Variants in ADAMTS12 observed in about 807,000 individuals in gnomAD.
The protein encoded by ADAMTS12 is A disintegrin and metalloproteinase with thrombospondin motifs 12.
In ADAMTS12, 118 loss-of-function variants were observed where a neutral mutation model predicts 167.8. The ratio of observed to expected loss-of-function variants is 0.70; its 90% CI spans 0.61 to 0.82. The LOEUF (loss-of-function observed/expected upper bound fraction) is 0.82. ADAMTS12 is among the 40% of genes least tolerant of loss of function. The pLI is 0.00. For synonymous variants in ADAMTS12, 704 were observed against 716.9 expected (o/e 0.98, Z 0.29); for missense variants, 1,916 against 1,998.8 (o/e 0.96, Z 0.79).
chr5:33,666,992 T>G (rs1459378024), intron 5 of ADAMTS12, among the ~76,000 whole-genome samples: 2 of 152,210 alleles, frequency 1.3e-5, no homozygotes, highest in South Asian at 2.1e-4. Context: ...AACAACTATG[T>G]GAAGTATTAA....
intron 2 of ADAMTS12, among the ~76,000 whole-genome samples, chr5:33,799,198 G>A (rs1746898500): frequency 6.6e-6 from 1 of 152,208 alleles, no homozygotes; most frequent in African/African-American, 2.4e-5. Context: ...GGAAGTCAAT[G>A]TCCTGTTCAT....
At chr5:33,848,582 T>C (rs972657399) in intron 2 of ADAMTS12, among the ~76,000 whole-genome samples, 3 of 152,344 alleles carry the variant, frequency 2.0e-5, no homozygotes, top group Non-Finnish European at 4.4e-5. Flanking sequence ...TTGGTATTAG[T>C]TGCAAAACTG....
chr5:33,741,613 T>A (rs2112372485), intron 3 of ADAMTS12, among the ~76,000 whole-genome samples: 1 of 152,202 alleles, frequency 6.6e-6, no homozygotes, highest in African/African-American at 2.4e-5. Context: ...TCTTGGAAAA[T>A]GGCTCTCTAA....
chr5:33,793,860 A>G (rs1009599148), intron 2 of ADAMTS12, among the ~76,000 whole-genome samples: 3 of 152,146 alleles, frequency 2.0e-5, no homozygotes, highest in African/African-American at 7.2e-5. Flanking sequence ...TGTGAGAGAA[A>G]AGGGCTTTAG....
At chr5:33,618,227 A>G (rs1739123703) in intron 14 of ADAMTS12, among the ~76,000 whole-genome samples, 1 of 152,208 alleles carries the variant, frequency 6.6e-6, no homozygotes, top group Non-Finnish European at 1.5e-5. Context: ...GGATCCTCAT[A>G]AAGACCTTCA....
intron 2 of ADAMTS12, among the ~76,000 whole-genome samples, chr5:33,766,951 G>C (rs976780748): frequency 1.3e-5 from 2 of 152,078 alleles, no homozygotes; most frequent in African/African-American, 4.8e-5. Context: ...ATCTCTGAAA[G>C]AACTGATCCA....
intron 13 of ADAMTS12, among the ~76,000 whole-genome samples, chr5:33,628,009 CA>C (rs1739741733): frequency 6.6e-6 from 1 of 151,812 alleles, no homozygotes; most frequent in South Asian, 2.1e-4. Context: ...ATGGTAAGAT[CA>C]AAAAAGGGGT....
chr5:33,731,973 CCT>C lies in ADAMTS12; in HGVS notation c.634+19429_634+19430del, dbSNP rs150688330. Among the ~76,000 whole-genome samples the C allele has an allele frequency of 9.3e-3, 1,413 of 152,270 alleles. 21 individuals are homozygous for C. The highest frequency in any genetic ancestry group is 0.033 in the African/African-American group (1,361 of 41,548). On this transcript the variant is annotated intron_variant, in intron 3 of 23. Coordinates refer to ENST00000504830, the MANE Select transcript of ADAMTS12 (RefSeq NM_030955.4). ...CAAAAAGGTATAATCTCATGTTCCA[CCT>C]CTGACCAGCTGGTGGTAGCTAGACC...
At chr5:33,639,086 GT>G (rs1462231991) in intron 11 of ADAMTS12, among the ~76,000 whole-genome samples, 5 of 151,970 alleles carry the variant, frequency 3.3e-5, no homozygotes, top group African/African-American at 4.8e-5. Flanking sequence ...CTGAGCCTCA[GT>G]TTTTTTTCGT....
chr5:33,541,644 G>A (rs1240626467), intron 22 of ADAMTS12, among the ~76,000 whole-genome samples: 1 of 152,208 alleles, frequency 6.6e-6, no homozygotes, highest in African/African-American at 2.4e-5. Flanking sequence ...ACACTCTGCA[G>A]AAACCCTACA....
intron 21 of ADAMTS12, among the ~76,000 whole-genome samples, chr5:33,548,608 A>T (rs986635237): frequency 6.6e-5 from 10 of 152,042 alleles, no homozygotes; most frequent in African/African-American, 2.4e-4. Flanking sequence ...AAATGAGATC[A>T]TCACACTTCA....
At chr5:33,691,172 T>A (rs186322321) in intron 3 of ADAMTS12, among the ~76,000 whole-genome samples, 1 of 152,214 alleles carries the variant, frequency 6.6e-6, no homozygotes, top group Non-Finnish European at 1.5e-5. Context: ...TTACATTTCA[T>A]GTAGGGTATA....
At chr5:33,803,872 T>C (rs1391207764) in intron 2 of ADAMTS12, among the ~76,000 whole-genome samples, 1 of 152,076 alleles carries the variant, frequency 6.6e-6, no homozygotes, top group Non-Finnish European at 1.5e-5. Context: ...TTACCTCCTA[T>C]GGGATCCCTC....
rs562254438 is a variant in ADAMTS12 at position 33,737,182 on chromosome 5, C to T, written c.634+14222G>A. ...TGTGCCATCTTTTACAAAAGGGCATCGATGTTGGGAAGCAGTGTGCTGTGG... is the reference window on the plus strand; with the variant it reads ...TGTGCCATCTTTTACAAAAGGGCATTGATGTTGGGAAGCAGTGTGCTGTGG... On this transcript the variant is annotated intron_variant, in intron 3 of 23. Coordinates refer to ENST00000504830, the MANE Select transcript of ADAMTS12 (RefSeq NM_030955.4). 1.2e-4 allele frequency among the ~76,000 whole-genome samples: 18 copies of T among 152,082 alleles called. 1 individual carries two copies. Among genetic ancestry groups the T allele is most frequent in the Non-Finnish European group, 2.4e-4 (16 of 68,010 alleles).
chr5:33,545,247 G>A (rs575527123), intron 22 of ADAMTS12, among the ~76,000 whole-genome samples: 15 of 152,244 alleles, frequency 9.9e-5, no homozygotes, highest in African/African-American at 3.6e-4. Context: ...GCAGCCAACA[G>A]ACACATGAAA....
At position 33,576,149 on chromosome 5, in the gene ADAMTS12, G is replaced by A. The variant is rs1746697625; in HGVS notation, c.3877C>T (p.Leu1293=). Residue 1293 remains leucine (L), a synonymous_variant, in exon 19 of 24, where the codon CTG becomes TTG. Coordinates refer to ENST00000504830, the MANE Select transcript of ADAMTS12 (RefSeq NM_030955.4). ...PVLTEEDATS[L]ITEGFLLNAS... ...TTTAGCAAAAAGCCCTCAGTAATCA[G>A]ACTTGTTGCATCCTCCTCAGTCAGG... The A allele has an allele frequency of 6.2e-7, 1 of 1,614,198 alleles. No homozygotes were observed. The highest frequency in any genetic ancestry group is 8.5e-7 in the Non-Finnish European group (1 of 1,180,030).
intron 12 of ADAMTS12, among the ~76,000 whole-genome samples, chr5:33,637,104 T>C (rs1033897506): frequency 1.3e-5 from 2 of 152,240 alleles, no homozygotes; most frequent in Admixed American, 1.3e-4. Context: ...TTCCCTTTTC[T>C]TTCTTCTTGT....
intron 14 of ADAMTS12, among the ~76,000 whole-genome samples, chr5:33,619,021 T>C (rs1419724918): frequency 6.6e-6 from 1 of 152,160 alleles, no homozygotes; most frequent in Admixed American, 6.6e-5. Flanking sequence ...AGAGGCTGAA[T>C]TAGAGACATT....
intron 3 of ADAMTS12, among the ~76,000 whole-genome samples, chr5:33,734,463 G>A (rs1013764881): frequency 6.6e-6 from 1 of 152,166 alleles, no homozygotes; most frequent in African/African-American, 2.4e-5. Flanking sequence ...TGGAGTTGTA[G>A]TTACCCCAGG....
Sources: gnomAD v4.1 joint callset for allele counts (sites outside exome capture counted in the v4.1 genomes callset) on GRCh38, gnomAD v4.1.1 for gene constraint, MANE v1.5 for transcripts, NCBI Gene and HGNC (gene_info 2026-07-23, HGNC 2026-07-21) for gene names.